Variants in ACYP2 observed in about 807,000 individuals in gnomAD.
ACYP2 encodes the protein acylphosphatase-2.
Under a neutral mutation model 11.2 loss-of-function variants are expected in ACYP2, and 12 were observed. The ratio of observed to expected loss-of-function variants is 1.08; its 90% CI spans 0.69 to 1.74. The LOEUF (loss-of-function observed/expected upper bound fraction) is 1.74. Ranked by LOEUF, ACYP2 falls within the 40% of genes most tolerant of loss-of-function variation. The pLI is 0.00. For missense variants in ACYP2, 134 were observed against 101.9 expected (o/e 1.31, Z -1.35); for synonymous variants, 43 against 32.2 (o/e 1.33, Z -1.13).
chr2:54,204,043 G>A (rs1684966046), intron 6 of ACYP2, among the ~76,000 whole-genome samples: 1 of 152,114 alleles, frequency 6.6e-6, no homozygotes, highest in African/African-American at 2.4e-5. Context: ...CACCCCGGCT[G>A]GAGTGCAGTG....
intron 4 of ACYP2, among the ~76,000 whole-genome samples, chr2:54,131,758 T>C (rs6545387): frequency 0.26 from 39,528 of 151,976 alleles, 5,270 homozygotes; most frequent in African/African-American, 0.34. Context: ...AAATATAAAC[T>C]CTTTTCAAAT....
At chr2:54,293,161 A>G (rs1689383317) in intron 6 of ACYP2, among the ~76,000 whole-genome samples, 1 of 152,220 alleles carries the variant, frequency 6.6e-6, no homozygotes, top group Non-Finnish European at 1.5e-5. Flanking sequence ...AAACTTCTCC[A>G]AGACAACCAG....
At chr2:54,073,363 G>GA (rs374500364) in intron 4 of ACYP2, among the ~76,000 whole-genome samples, 81 of 140,290 alleles carry the variant, frequency 5.8e-4, no homozygotes, top group East Asian at 3.5e-3. Flanking sequence ...CATACCTAAG[G>GA]AAAAAAAAAA....
chr2:53,976,782 A>G (rs892838686), intron 2 of ACYP2, among the ~76,000 whole-genome samples: 6 of 152,184 alleles, frequency 3.9e-5, no homozygotes, highest in Non-Finnish European at 7.3e-5. Context: ...TGTGGAGTTC[A>G]GTTTCTCATA....
rs570956179 is a variant in ACYP2 at position 54,192,578 on chromosome 2, T to G, written c.404+53830T>G. On this transcript the variant is annotated intron_variant, in intron 6 of 6. Coordinates refer to ENST00000607452, the MANE Select transcript of ACYP2 (RefSeq NM_001320586.2). ...AAGTTGTGTCATTAGTCAAAAAACT[T>G]TGATGCCACTTTGTTCATTATATCT... 3.3e-5 allele frequency among the ~76,000 whole-genome samples: 5 copies of G among 152,288 alleles called. No individual in the cohort carries two copies. In the South Asian group the frequency reaches 8.3e-4, roughly 25 times the overall value.
intron 2 of ACYP2, among the ~76,000 whole-genome samples, chr2:54,003,889 G>A (rs775753607): frequency 1.3e-5 from 2 of 152,232 alleles, no homozygotes; most frequent in South Asian, 2.1e-4. Context: ...CTAGCTCCTC[G>A]CTAGCATTTA....
intron 6 of ACYP2, chr2:54,255,304 T>C (rs1400346346): frequency 6.2e-7 from 1 of 1,614,072 alleles, no homozygotes. Context: ...TCTGAGCTCC[T>C]TCACTTCCAA....
At chr2:54,117,442 A>G (rs761345768) in intron 4 of ACYP2, among the ~76,000 whole-genome samples, 2 of 152,170 alleles carry the variant, frequency 1.3e-5, no homozygotes, top group Non-Finnish European at 2.9e-5. Flanking sequence ...CTACAGGCTC[A>G]TGCCACCATG....
At chr2:54,262,541 A>G (rs1389829019) in intron 6 of ACYP2, among the ~76,000 whole-genome samples, 1 of 152,220 alleles carries the variant, frequency 6.6e-6, no homozygotes, top group South Asian at 2.1e-4. Context: ...TGAAAATGAA[A>G]AAGAGTGCAT....
chr2:54,197,675 C>A (rs1419073677), intron 6 of ACYP2, among the ~76,000 whole-genome samples: 3 of 152,100 alleles, frequency 2.0e-5, no homozygotes, highest in African/African-American at 7.2e-5. Context: ...GGCAGAGGAA[C>A]TGCATGGTGC....
intron 6 of ACYP2, chr2:54,256,174 G>C (rs764569190): frequency 6.3e-7 from 1 of 1,596,024 alleles, no homozygotes; most frequent in Non-Finnish European, 8.5e-7. Context: ...CAGGGCAGCA[G>C]TGGGTAGAGG....
At chr2:54,266,713 C>G (rs951363140) in intron 6 of ACYP2, among the ~76,000 whole-genome samples, 1 of 147,844 alleles carries the variant, frequency 6.8e-6, no homozygotes, top group Non-Finnish European at 1.5e-5. Flanking sequence ...TCACGCCATT[C>G]TCCTGCCTCA....
chr2:54,198,615 A>T (rs892307550), intron 6 of ACYP2, among the ~76,000 whole-genome samples: 5 of 99,076 alleles, frequency 5.0e-5, no homozygotes, highest in African/African-American at 2.3e-4. Context: ...GTAAAGAAAA[A>T]TTAAAGCTTA....
intron 4 of ACYP2, among the ~76,000 whole-genome samples, chr2:54,083,241 G>A (rs1677763156): frequency 6.6e-6 from 1 of 152,134 alleles, no homozygotes. Context: ...ACCCGCCAGG[G>A]GTCAGTTTGC....
intron 6 of ACYP2, among the ~76,000 whole-genome samples, chr2:54,294,958 A>C (rs13397248): frequency 0.019 from 2,886 of 152,134 alleles, 106 homozygotes; most frequent in African/African-American, 0.065. Context: ...AATACAATAA[A>C]TACAATAGAT....
chr2:54,128,728 TA>T (rs910329540), intron 4 of ACYP2, among the ~76,000 whole-genome samples: 5 of 151,910 alleles, frequency 3.3e-5, no homozygotes, highest in Non-Finnish European at 7.4e-5. Context: ...CCCCCTTTTT[TA>T]AAAAAAATTC....
Position 54,216,205 on chromosome 2 carries a change from AC to A in ACYP2, c.404+77458del, listed in dbSNP as rs1214782983. On this transcript the variant is annotated intron_variant, in intron 6 of 6. Coordinates refer to ENST00000607452, the MANE Select transcript of ACYP2 (RefSeq NM_001320586.2). ...TATAAATAATTAGGTCTGTCCCTAA[AC>A]TTTTATATTTAGTTCTATGATCTAT... 2.0e-5 allele frequency among the ~76,000 whole-genome samples: 3 copies of A among 152,182 alleles called. No individual in the cohort carries two copies. The East Asian group carries it at 5.8e-4, about 29-fold the overall frequency.
chr2:54,091,489 TTTTATTTATTTA>T (rs58827967), intron 4 of ACYP2, among the ~76,000 whole-genome samples: 142 of 143,738 alleles, frequency 9.9e-4, no homozygotes, highest in Middle Eastern at 3.5e-3. Context: ...ACTCTCTTGA[TTTTATTTATTTA>T]TTTATTTATT....
chr2:54,078,428 T>TAC (rs1349888335), intron 4 of ACYP2, among the ~76,000 whole-genome samples: 18 of 139,156 alleles, frequency 1.3e-4, no homozygotes, highest in African/African-American at 4.5e-4. Context: ...GGTACGCATA[T>TAC]ATATATATGG....
Sources: allele counts gnomAD v4.1 joint callset (sites outside exome capture counted in the v4.1 genomes callset), GRCh38; gene constraint gnomAD v4.1.1; transcripts MANE v1.5; gene names NCBI Gene and HGNC (gene_info 2026-07-23, HGNC 2026-07-21).